PDGFC: variants seen among roughly 807,000 people sequenced by gnomAD.
PDGFC encodes platelet derived growth factor C.
A neutral mutation model predicts 35.5 loss-of-function variants in PDGFC; 12 were observed. The ratio of observed to expected loss-of-function variants is 0.34; its 90% CI spans 0.22 to 0.55. The LOEUF is 0.55. Among genes scored for constraint, PDGFC ranks in the 20% least tolerant of loss-of-function variants. The pLI, the probability that PDGFC is intolerant of heterozygous loss-of-function variation, is 0.91. For synonymous variants in PDGFC, 159 were observed against 148.8 expected, an observed-to-expected ratio of 1.07 and a Z score of -0.50; for missense variants, 322 against 412.4, an observed-to-expected ratio of 0.78 and a Z score of 1.90.
At chr4:156,944,488 C>T (rs1579116758) in intron 1 of PDGFC, among the ~76,000 whole-genome samples, 1 of 152,224 alleles carries the variant, frequency 6.6e-6, no homozygotes, top group East Asian at 1.9e-4. Context: ...AAATAAAATC[C>T]ATCACCAATG....
At chr4:156,959,939 C>A (rs542378105) in intron 1 of PDGFC, among the ~76,000 whole-genome samples, 2 of 152,048 alleles carry the variant, frequency 1.3e-5, no homozygotes, top group South Asian at 4.1e-4. Flanking sequence ...ATAAATTTTT[C>A]ACCGTGAAGC....
chr4:156,920,184 C>T (rs187590038), intron 1 of PDGFC, among the ~76,000 whole-genome samples: 2 of 152,326 alleles, frequency 1.3e-5, no homozygotes, highest in East Asian at 3.9e-4. Context: ...AAATAAACCC[C>T]TTTGCTTTCT....
At chr4:156,935,642 A>G (rs1731661338) in intron 1 of PDGFC, among the ~76,000 whole-genome samples, 1 of 152,216 alleles carries the variant, frequency 6.6e-6, no homozygotes. Context: ...ACTATATATT[A>G]AATAAGATGT....
At chr4:156,908,430 A>G (rs1730967668) in intron 1 of PDGFC, among the ~76,000 whole-genome samples, 2 of 152,200 alleles carry the variant, frequency 1.3e-5, no homozygotes, top group Admixed American at 6.5e-5. Flanking sequence ...TAGAAATGCC[A>G]AATTAGAATT....
At chr4:156,913,400 A>G (rs1447121858) in intron 1 of PDGFC, among the ~76,000 whole-genome samples, 1 of 152,190 alleles carries the variant, frequency 6.6e-6, no homozygotes, top group African/African-American at 2.4e-5. Flanking sequence ...TACCAGGCCA[A>G]ACTGCAATGA....
rs555344043 is a variant in PDGFC at position 156,930,763 on chromosome 4, G to A, written c.118+40023C>T. On this transcript the variant is annotated intron_variant, in intron 1 of 5. Coordinates refer to ENST00000502773, the MANE Select transcript of PDGFC (RefSeq NM_016205.3). ...CACGCCTGTAATCCCAGCTACTCGG[G>A]AGGCTGAGGCAGGAGGGTCGCTTGA... Among the ~76,000 whole-genome samples, 83 of 152,270 alleles carry A rather than the reference G, an allele frequency of 5.5e-4. No homozygotes were observed. In the Middle Eastern group the frequency reaches 0.014, roughly 25 times the overall value.
At chr4:156,967,618 T>G (rs1732497093) in intron 1 of PDGFC, 1 of 152,184 alleles carries the variant, frequency 6.6e-6, no homozygotes, top group Non-Finnish European at 1.5e-5. Flanking sequence ...ACTTTGTCAT[T>G]GACATCTCTT....
intron 1 of PDGFC, among the ~76,000 whole-genome samples, chr4:156,923,750 A>AT (rs1731342824): frequency 6.6e-6 from 1 of 152,212 alleles, no homozygotes; most frequent in Admixed American, 6.5e-5. Context: ...ACAAAAGATC[A>AT]TATCAGTGAG....
chr4:156,824,461 TGTA>T (rs1487643612), intron 2 of PDGFC, among the ~76,000 whole-genome samples: 6 of 151,632 alleles, frequency 4.0e-5, no homozygotes, highest in African/African-American at 4.8e-5. Flanking sequence ...CTCCCTTCAC[TGTA>T]GTAGAAGACA....
At chr4:156,836,775 T>C (rs1309853707) in intron 2 of PDGFC, among the ~76,000 whole-genome samples, 19 of 152,240 alleles carry the variant, frequency 1.2e-4, no homozygotes, top group Non-Finnish European at 2.9e-5. Context: ...TTAACCTTTC[T>C]TTACTGTATA....
intron 3 of PDGFC, among the ~76,000 whole-genome samples, chr4:156,780,054 C>T (rs567939415): frequency 6.8e-6 from 1 of 147,064 alleles, no homozygotes; most frequent in South Asian, 2.2e-4. Context: ...GACTAAATAA[C>T]ATAGTACTAA....
intron 3 of PDGFC, among the ~76,000 whole-genome samples, chr4:156,795,821 C>G (rs139650531): frequency 1.2e-4 from 19 of 152,242 alleles, no homozygotes; most frequent in African/African-American, 3.6e-4. Flanking sequence ...CTACAGTCAT[C>G]AATCTTTTCT....
rs947257267 is a variant in PDGFC at position 156,871,655 on chromosome 4, A to G, written c.119-21239T>C. Among the ~76,000 whole-genome samples the G allele has an allele frequency of 5.3e-5, 8 of 152,168 alleles. No homozygotes were observed. The East Asian group carries it at 1.5e-3, about 29-fold the overall frequency. On this transcript the variant is annotated intron_variant, in intron 1 of 5. Coordinates refer to ENST00000502773, the MANE Select transcript of PDGFC (RefSeq NM_016205.3). ...AATTAGTCGAGACACACCTGGGAAT[A>G]TAATTTATTAAGAAGACTATATTGC... is the stretch of plus-strand genomic sequence containing the variant.
chr4:156,954,865 C>A (rs973722406), intron 1 of PDGFC, among the ~76,000 whole-genome samples: 1 of 152,032 alleles, frequency 6.6e-6, no homozygotes, highest in Admixed American at 6.6e-5. Context: ...GATGCCAAGA[C>A]TGCAGCAGAA....
intron 1 of PDGFC, among the ~76,000 whole-genome samples, chr4:156,881,947 C>T (rs778639777): frequency 2.3e-4 from 35 of 151,958 alleles, no homozygotes; most frequent in Non-Finnish European, 4.0e-4. Context: ...GTGAGGCCTC[C>T]CCAGACATGT....
chr4:156,942,021 A>C (rs1731820129), intron 1 of PDGFC, among the ~76,000 whole-genome samples: 1 of 152,140 alleles, frequency 6.6e-6, no homozygotes, highest in Admixed American at 6.6e-5. Flanking sequence ...AAGATTTTAT[A>C]AAAGGGAGGC....
chr4:156,824,131 G>A (rs191877853), intron 2 of PDGFC, among the ~76,000 whole-genome samples: 8 of 151,680 alleles, frequency 5.3e-5, no homozygotes, highest in East Asian at 3.9e-4. Context: ...CAAAGTTTTC[G>A]TTAGACTGTA....
At chr4:156,819,621 G>A (rs1560825169) in intron 2 of PDGFC, among the ~76,000 whole-genome samples, 1 of 152,072 alleles carries the variant, frequency 6.6e-6, no homozygotes, top group Non-Finnish European at 1.5e-5. Context: ...AATCCACCTG[G>A]TCACCCAAGA....
intron 1 of PDGFC, among the ~76,000 whole-genome samples, chr4:156,897,290 T>TAC (rs149168649): frequency 0.015 from 2,284 of 148,616 alleles, 43 homozygotes; most frequent in African/African-American, 0.051. Context: ...TATAAATAAA[T>TAC]ACACACACAC....
Sources: allele counts gnomAD v4.1 joint callset (sites outside exome capture counted in the v4.1 genomes callset), GRCh38; gene constraint gnomAD v4.1.1; transcripts MANE v1.5; gene names NCBI Gene and HGNC (gene_info 2026-07-23, HGNC 2026-07-21).